Variants in INPP4B observed in about 807,000 individuals in gnomAD.
INPP4B encodes inositol polyphosphate 4-phosphatase type II.
INPP4B carries 55 observed loss-of-function variants against 122.5 expected under a neutral mutation model. The observed-to-expected ratio is 0.45, with a 90% CI of 0.36 to 0.56. The LOEUF (loss-of-function observed/expected upper bound fraction) is 0.56, where lower values mean the gene tolerates loss of function less well. Ranked by LOEUF, INPP4B falls within the 20% of genes least tolerant of loss-of-function variation. The pLI, the probability that INPP4B is intolerant of heterozygous loss-of-function variation, is 0.00. For synonymous variants in INPP4B, 403 were observed against 388.7 expected (o/e 1.04, Z -0.43); for missense variants, 1,000 against 1,097.7 (o/e 0.91, Z 1.26).
At chr4:142,292,544 T>C (rs184822954) in intron 9 of INPP4B, among the ~76,000 whole-genome samples, 2 of 152,212 alleles carry the variant, frequency 1.3e-5, no homozygotes, top group Non-Finnish European at 2.9e-5. Context: ...AATCCCCACT[T>C]ACACCATTTC....
At chr4:142,743,309 T>C (rs998800129) in intron 1 of INPP4B, among the ~76,000 whole-genome samples, 16 of 151,932 alleles carry the variant, frequency 1.1e-4, no homozygotes, top group African/African-American at 3.4e-4. Flanking sequence ...ACTGCAGCTC[T>C]TAGAAGGCAG....
intron 2 of INPP4B, among the ~76,000 whole-genome samples, chr4:142,720,510 C>T (rs928411994): frequency 6.6e-6 from 1 of 151,712 alleles, no homozygotes; most frequent in Admixed American, 6.6e-5. Flanking sequence ...TTGCACATAA[C>T]CTATGCACAT....
intron 12 of INPP4B, among the ~76,000 whole-genome samples, chr4:142,229,606 A>G (rs898472762): frequency 1.3e-5 from 2 of 152,200 alleles, no homozygotes; most frequent in Non-Finnish European, 2.9e-5. Flanking sequence ...GCATATGATC[A>G]GGACCAAGCA....
At chr4:142,312,818 A>G (rs546660533) in intron 8 of INPP4B, among the ~76,000 whole-genome samples, 15 of 152,270 alleles carry the variant, frequency 9.9e-5, no homozygotes, top group African/African-American at 3.6e-4. Context: ...AGAAATATCT[A>G]TACCTGTGCC....
chr4:142,653,985 G>T (rs551080910), intron 2 of INPP4B, among the ~76,000 whole-genome samples: 3 of 152,096 alleles, frequency 2.0e-5, no homozygotes, highest in Non-Finnish European at 2.9e-5. Context: ...GTCCAACAAT[G>T]ATAGACTGGA....
At chr4:142,541,250 T>C (rs576837980) in intron 2 of INPP4B, among the ~76,000 whole-genome samples, 51 of 152,334 alleles carry the variant, frequency 3.3e-4, no homozygotes, top group South Asian at 1.4e-3. Flanking sequence ...ATTACTCTTT[T>C]ATGAATAAAG....
At position 142,214,794 on chromosome 4, in the gene INPP4B, C is replaced by A. The variant is rs944271847; in HGVS notation, c.837-5768G>T. Reference sequence around the variant, plus strand: ...ACTCGAACTCCTGACCTCAGGTGATCCACCCGTCTCAGCCTCCCAAAGTGC... The same window carrying A: ...ACTCGAACTCCTGACCTCAGGTGATACACCCGTCTCAGCCTCCCAAAGTGC... On this transcript the variant is annotated intron_variant, in intron 12 of 25. Coordinates refer to ENST00000262992, the MANE Select transcript of INPP4B (RefSeq NM_001101669.3). Among the ~76,000 whole-genome samples the A allele has an allele frequency of 7.2e-5, 11 of 152,184 alleles. No homozygotes were observed. In the East Asian group the frequency reaches 7.7e-4, roughly 11 times the overall value.
At chr4:142,347,849 A>G (rs919595924) in intron 7 of INPP4B, among the ~76,000 whole-genome samples, 2 of 151,972 alleles carry the variant, frequency 1.3e-5, no homozygotes, top group East Asian at 1.9e-4. Context: ...AAATGTTGAA[A>G]TGGGTCAAAC....
At chr4:142,767,217 C>T (rs764336802) in intron 1 of INPP4B, among the ~76,000 whole-genome samples, 3 of 152,044 alleles carry the variant, frequency 2.0e-5, no homozygotes, top group Non-Finnish European at 4.4e-5. Flanking sequence ...GTTCTTCTTC[C>T]GGTGGGGGAG....
chr4:142,484,777 G>T (rs1006496137), intron 2 of INPP4B, among the ~76,000 whole-genome samples: 1 of 151,662 alleles, frequency 6.6e-6, no homozygotes, highest in Non-Finnish European at 1.5e-5. Context: ...TCCACCCTTC[G>T]ACAGGTCCCT....
intron 7 of INPP4B, among the ~76,000 whole-genome samples, chr4:142,354,866 G>A (rs985570421): frequency 2.6e-5 from 4 of 151,942 alleles, no homozygotes; most frequent in African/African-American, 9.7e-5. Flanking sequence ...ACAAAGCGAG[G>A]ACTTAATGGC....
At chr4:142,161,472 C>T (rs1003703646) in intron 16 of INPP4B, among the ~76,000 whole-genome samples, 2 of 151,890 alleles carry the variant, frequency 1.3e-5, no homozygotes, top group African/African-American at 4.8e-5. Context: ...TCTGTAATCT[C>T]TTAGGAAGGG....
At chr4:142,431,038 TG>T (rs1277177919) in intron 4 of INPP4B, 130 bp downstream of exon 4, 1 of 645,410 alleles carries the variant, frequency 1.5e-6, no homozygotes, top group East Asian at 2.8e-5. Context: ...AAAAATACTT[TG>T]GTAATTTCAT....
intron 2 of INPP4B, among the ~76,000 whole-genome samples, chr4:142,473,839 T>C (rs1002983510): frequency 6.6e-6 from 1 of 152,166 alleles, no homozygotes; most frequent in Non-Finnish European, 1.5e-5. Context: ...CTCACTTCCC[T>C]GTGAACTCAG....
At chr4:142,822,722 CT>C (rs1780940936) in intron 1 of INPP4B, among the ~76,000 whole-genome samples, 1 of 152,204 alleles carries the variant, frequency 6.6e-6, no homozygotes, top group South Asian at 2.1e-4. Flanking sequence ...AATATATTGC[CT>C]TCTGTTACAT....
chr4:142,593,111 A>ATTT, intron 2 of INPP4B, among the ~76,000 whole-genome samples: 1 of 151,986 alleles, frequency 6.6e-6, no homozygotes, highest in East Asian at 1.9e-4. Context: ...TTTTAAAAAA[A>ATTT]AAAAAAAATG....
chr4:142,593,891 C>T (rs765757855), intron 2 of INPP4B, among the ~76,000 whole-genome samples: 10 of 151,984 alleles, frequency 6.6e-5, no homozygotes, highest in Admixed American at 1.3e-4. Context: ...CACACACACA[C>T]GCACAGGATC....
chr4:142,436,592 A>G (rs1323285641), intron 3 of INPP4B, among the ~76,000 whole-genome samples: 7 of 152,124 alleles, frequency 4.6e-5, no homozygotes, highest in Non-Finnish European at 1.0e-4. Flanking sequence ...CTCAAGTGAC[A>G]TCTCCAGTTG....
rs56945961 is a variant in INPP4B at position 142,244,287 on chromosome 4, C to CTTTTTTTT, written c.689-6284_689-6277dup. Among the ~76,000 whole-genome samples the CTTTTTTTT allele has an allele frequency of 8.7e-4, 64 of 73,760 alleles. 4 individuals carry two copies. Among genetic ancestry groups the CTTTTTTTT allele is most frequent in the African/African-American group, 3.5e-3 (63 of 18,174 alleles). 48.4% of individuals were successfully genotyped at this position (73,760 alleles called of 152,430 possible). On this transcript the variant is annotated intron_variant, in intron 11 of 25. Transcript: ENST00000262992. ...ATGGTATTCCATGGTGTATATGTGC[C>CTTTTTTTT]TTTTTTTTTTTTTTTTTTTTTTTTT...
Sources: allele counts gnomAD v4.1 joint callset (sites outside exome capture counted in the v4.1 genomes callset), GRCh38; gene constraint gnomAD v4.1.1; transcripts MANE v1.5; gene names NCBI Gene and HGNC (gene_info 2026-07-23, HGNC 2026-07-21).